The following MED13L variants were observed in gnomAD, a reference collection of about 807,000 sequenced individuals.
MED13L encodes the protein mediator of RNA polymerase II transcription subunit 13-like.
Under a neutral mutation model 220.9 loss-of-function variants are expected in MED13L, and 7 were observed. The ratio of observed to expected loss-of-function variants is 0.03; its 90% confidence interval spans 0.02 to 0.06. The LOEUF is 0.06. MED13L is among the 10% of genes least tolerant of loss of function. The pLI is 1.00. For missense variants in MED13L, 1,965 were observed against 2,760.5 expected (o/e 0.71, Z 6.46); for synonymous variants, 1,011 against 1,015.2 (o/e 1.00, Z 0.08).
rs374767676 is a variant in MED13L at position 116,237,663 on chromosome 12, C to G, written c.115G>C (p.Gly39Arg). The G allele has an allele frequency of 1.2e-6, 2 of 1,614,180 alleles. No homozygotes were observed. The highest frequency in any genetic ancestry group is 1.7e-6 in the Non-Finnish European group (2 of 1,180,036). Residue 39 changes from glycine to arginine, a missense_variant, in exon 2 of 31, where the codon GGG (glycine) becomes CGG (arginine). By Grantham distance (125) the Gly-to-Arg change is moderately radical. This residue lies in a region of MED13L where 818 missense variants were observed against 1,041.2 expected (regional missense o/e 0.79). Transcript: ENST00000281928. ...ATTATGGGTCCACAGTCCCCATGCC[C>G]TCCAAAATTGTACCTACGCCATTTG... The part of the protein sequence containing the change: ...GIKWRRYNFG[G>R]HGDCGPIISA...
At chr12:116,240,303 G>A (rs1031869006) in intron 1 of MED13L, among the ~76,000 whole-genome samples, 1 of 151,824 alleles carries the variant, frequency 6.6e-6, no homozygotes, top group African/African-American at 2.4e-5. Context: ...CATCATGCTG[G>A]CCAGGCTGGT....
intron 1 of MED13L, among the ~76,000 whole-genome samples, chr12:116,273,786 A>G (rs967942603): frequency 6.6e-6 from 1 of 152,266 alleles, no homozygotes; most frequent in Non-Finnish European, 1.5e-5. Context: ...ATCAAAGAGC[A>G]CATATTTAAA....
intron 5 of MED13L, among the ~76,000 whole-genome samples, chr12:116,021,178 A>G (rs900345705): frequency 1.3e-5 from 2 of 152,146 alleles, no homozygotes; most frequent in Non-Finnish European, 2.9e-5. Flanking sequence ...ATGCTCCACA[A>G]AAGTATTCTA....
chr12:115,999,651 T>C (rs1016859700), intron 14 of MED13L, among the ~76,000 whole-genome samples: 2 of 152,142 alleles, frequency 1.3e-5, no homozygotes, highest in Non-Finnish European at 2.9e-5. Context: ...ATAGCCTTTC[T>C]TATAAGTATC....
At chr12:116,032,612 C>A (rs1323336045) in intron 4 of MED13L, among the ~76,000 whole-genome samples, 1 of 152,086 alleles carries the variant, frequency 6.6e-6, no homozygotes, top group Non-Finnish European at 1.5e-5. Context: ...TTTCAGATAC[C>A]GACATGGCTC....
At chr12:116,005,825 T>C (rs759267563) in intron 13 of MED13L, 44 bp downstream of exon 13, 1 of 1,611,748 alleles carries the variant, frequency 6.2e-7, no homozygotes, top group Non-Finnish European at 8.5e-7. Flanking sequence ...ATAAAGTCCT[T>C]TCATGTAGCG....
At chr12:116,108,676 G>T (rs1457173184) in intron 3 of MED13L, among the ~76,000 whole-genome samples, 1 of 152,168 alleles carries the variant, frequency 6.6e-6, no homozygotes, top group African/African-American at 2.4e-5. Context: ...GAAACTATAT[G>T]AAGATGGTTT....
intron 4 of MED13L, among the ~76,000 whole-genome samples, chr12:116,072,982 A>G (rs968887875): frequency 6.6e-6 from 1 of 152,194 alleles, no homozygotes; most frequent in Non-Finnish European, 1.5e-5. Flanking sequence ...AACTTTAAGT[A>G]TTTAATTCTG....
intron 2 of MED13L, among the ~76,000 whole-genome samples, chr12:116,206,835 G>A (rs979922591): frequency 6.6e-6 from 1 of 152,100 alleles, no homozygotes; most frequent in African/African-American, 2.4e-5. Context: ...TTGTTTTGTA[G>A]ATTTGACTTT....
At chr12:116,019,732 A>T (rs1160711913) in intron 6 of MED13L, 46 bp downstream of exon 6, 1 of 1,546,446 alleles carries the variant, frequency 6.5e-7, no homozygotes, top group South Asian at 1.1e-5. Context: ...TAAATTAAGG[A>T]AGAGGAAGAA....
At chr12:116,110,808 A>G (rs1874017739) in intron 3 of MED13L, among the ~76,000 whole-genome samples, 1 of 152,170 alleles carries the variant, frequency 6.6e-6, no homozygotes, top group South Asian at 2.1e-4. Context: ...AAAAAGCATA[A>G]CCTGAATTTA....
Position 115,975,622 on chromosome 12 carries a change from G to T in MED13L, c.5481C>A (p.Phe1827Leu). The change falls in exon 24 of 31, where the codon TTC (phenylalanine) becomes TTA (leucine). Residue 1827 changes from phenylalanine to leucine, a missense_variant. Around this residue, in one of 10 missense-constraint regions of MED13L, gnomAD observed 510 missense variants for 620.4 expected, o/e 0.82. Transcript: ENST00000281928. ...GEASQKYNVL[F>L]VGYCLSHDQR... ...GGTCGTGAGACAGACAATAGCCCACGAAGAGCACATTGTATTTCTGGCTCG... is the reference window on the plus strand; with the variant it reads ...GGTCGTGAGACAGACAATAGCCCACTAAGAGCACATTGTATTTCTGGCTCG... 1 of 1,614,086 alleles carries T rather than the reference G, an allele frequency of 6.2e-7. No homozygotes were observed. The highest frequency in any genetic ancestry group is 8.5e-7 in the Non-Finnish European group (1 of 1,180,006).
chr12:116,064,878 C>T (rs1869795274), intron 4 of MED13L, among the ~76,000 whole-genome samples: 1 of 152,172 alleles, frequency 6.6e-6, no homozygotes, highest in Admixed American at 6.5e-5. Flanking sequence ...ATTTTGTCCA[C>T]TGTTACATCC....
At chr12:115,990,611 G>A (rs920080205) in intron 17 of MED13L, among the ~76,000 whole-genome samples, 2 of 152,178 alleles carry the variant, frequency 1.3e-5, no homozygotes, top group Non-Finnish European at 2.9e-5. Context: ...AGAGAAGGGA[G>A]AAGAGACTCT....
intron 2 of MED13L, among the ~76,000 whole-genome samples, chr12:116,112,910 G>A (rs1350433289): frequency 6.6e-6 from 1 of 151,990 alleles, no homozygotes; most frequent in Non-Finnish European, 1.5e-5. Context: ...TGACCCTAAG[G>A]CACCATCAAG....
chr12:116,071,274 T>C (rs1395676953), intron 4 of MED13L, among the ~76,000 whole-genome samples: 2 of 152,254 alleles, frequency 1.3e-5, no homozygotes, highest in Non-Finnish European at 2.9e-5. Flanking sequence ...TATCTCAATT[T>C]TGGAAACTGA....
At chr12:116,199,653 T>C (rs1341524751) in intron 2 of MED13L, among the ~76,000 whole-genome samples, 1 of 152,058 alleles carries the variant, frequency 6.6e-6, no homozygotes, top group Non-Finnish European at 1.5e-5. Flanking sequence ...TAAACAGTCA[T>C]CAAATTTTAA....
At chr12:115,979,130 G>T (rs1877154474) in intron 23 of MED13L, among the ~76,000 whole-genome samples, 1 of 152,218 alleles carries the variant, frequency 6.6e-6, no homozygotes, top group Non-Finnish European at 1.5e-5. Flanking sequence ...AGATTAAAAT[G>T]TATAAACTTC....
At chr12:116,079,256 T>A (rs1051897963) in intron 4 of MED13L, among the ~76,000 whole-genome samples, 2 of 152,148 alleles carry the variant, frequency 1.3e-5, no homozygotes, top group African/African-American at 4.8e-5. Flanking sequence ...ATGGTCTCGC[T>A]CTGTCACCCA....
Sources: gnomAD v4.1 joint callset for allele counts (sites outside exome capture counted in the v4.1 genomes callset) on GRCh38, gnomAD v4.1.1 for gene constraint, gnomAD v4.1.1 regional missense constraint, MANE v1.5 for transcripts, NCBI Gene and HGNC (gene_info 2026-07-23, HGNC 2026-07-21) for gene names.